Variants in DGKI observed in about 807,000 individuals in gnomAD.
DGKI encodes the protein diacylglycerol kinase iota.
In DGKI, 55 loss-of-function variants were observed where a neutral mutation model predicts 147.5. The ratio of observed to expected loss-of-function variants is 0.37; its 90% CI spans 0.30 to 0.47. The LOEUF is 0.47. DGKI is among the 20% of genes least tolerant of loss of function. The probability of loss-of-function intolerance (pLI) is 1.00; values close to 1 mark genes in which losing one functional copy is unlikely to be tolerated. For synonymous variants in DGKI, 469 were observed against 477.1 expected, an observed-to-expected ratio of 0.98 and a Z score of 0.22; for missense variants, 1,007 against 1,323.8, an observed-to-expected ratio of 0.76 and a Z score of 3.71.
intron 20 of DGKI, among the ~76,000 whole-genome samples, chr7:137,549,943 G>C (rs1163080912): frequency 6.6e-6 from 1 of 152,098 alleles, no homozygotes; most frequent in Non-Finnish European, 1.5e-5. Context: ...TATCCGTATT[G>C]ATTTTCTCAA....
intron 1 of DGKI, among the ~76,000 whole-genome samples, chr7:137,695,609 C>T (rs557213115): frequency 2.0e-5 from 3 of 152,152 alleles, no homozygotes; most frequent in African/African-American, 7.2e-5. Flanking sequence ...AGAAGAGGTC[C>T]GAGTAAGATT....
intron 25 of DGKI, among the ~76,000 whole-genome samples, chr7:137,466,418 T>G (rs553897360): frequency 2.2e-4 from 33 of 152,342 alleles, no homozygotes; most frequent in Non-Finnish European, 4.7e-4. Context: ...ATCATTAGGT[T>G]CAATACTGTA....
At chr7:137,714,478 G>T (rs1794317856) in intron 1 of DGKI, among the ~76,000 whole-genome samples, 1 of 152,030 alleles carries the variant, frequency 6.6e-6, no homozygotes, top group African/African-American at 2.4e-5. Flanking sequence ...GGCATATTTA[G>T]CAGAGAAAGA....
chr7:137,724,739 C>T (rs1258948655), intron 1 of DGKI, among the ~76,000 whole-genome samples: 1 of 152,134 alleles, frequency 6.6e-6, no homozygotes, highest in African/African-American at 2.4e-5. Flanking sequence ...AAGATGCCTA[C>T]AAGACTTCTA....
At chr7:137,398,753 T>C (rs1811644050) in intron 30 of DGKI, among the ~76,000 whole-genome samples, 1 of 151,840 alleles carries the variant, frequency 6.6e-6, no homozygotes, top group African/African-American at 2.4e-5. Flanking sequence ...GTGAATCTTC[T>C]CTTGCAAAGT....
chr7:137,836,100 A>T (rs770108082), intron 1 of DGKI, among the ~76,000 whole-genome samples: 1 of 152,224 alleles, frequency 6.6e-6, no homozygotes, highest in Non-Finnish European at 1.5e-5. Flanking sequence ...AAATTTAGTC[A>T]GTATAACAGT....
chr7:137,694,103 C>T (rs999249044), intron 1 of DGKI, among the ~76,000 whole-genome samples: 1 of 152,118 alleles, frequency 6.6e-6, no homozygotes. Flanking sequence ...GGGCAGATCA[C>T]AAGGTCAGGA....
At chr7:137,427,775 C>T (rs1812881843) in intron 28 of DGKI, among the ~76,000 whole-genome samples, 1 of 152,216 alleles carries the variant, frequency 6.6e-6, no homozygotes, top group Admixed American at 6.5e-5. Flanking sequence ...ACAAACACCT[C>T]TACGCAAATC....
intron 8 of DGKI, 41 bp downstream of exon 8, chr7:137,619,783 T>G (rs769674986): frequency 1.6e-5 from 24 of 1,500,752 alleles, no homozygotes; most frequent in Non-Finnish European, 2.1e-5. Context: ...AGTTCATTTT[T>G]CTCTGCACTG....
chr7:137,503,365 A>G (rs575295469), intron 21 of DGKI, among the ~76,000 whole-genome samples: 3 of 152,316 alleles, frequency 2.0e-5, no homozygotes, highest in African/African-American at 7.2e-5. Context: ...TGCTATTAAA[A>G]TTCTTACAAC....
In DGKI at chr7:137,390,065, G is replaced by A. The variant is rs1010882119; in HGVS notation, c.*1155C>T. On this transcript the variant is annotated 3_prime_UTR_variant, in exon 33 of 33. Transcript: ENST00000614521. ...ACCTAAAAGAAAGACCTAAAATGGGGCTCCTCTCACCACTGTATCCAACAG... is the reference window on the plus strand; with the variant it reads ...ACCTAAAAGAAAGACCTAAAATGGGACTCCTCTCACCACTGTATCCAACAG... 4.6e-5 allele frequency: 7 copies of A among 152,038 alleles called. No individual in the cohort carries two copies. Among genetic ancestry groups the A allele is most frequent in the African/African-American group, 1.7e-4 (7 of 41,406 alleles). The allele number at this position is 152,038 out of a possible 1,614,324, so 9.4% of individuals were successfully genotyped here. A position where few individuals can be genotyped will look rare whatever the true frequency, so the allele number is the denominator to read the frequency against.
intron 20 of DGKI, among the ~76,000 whole-genome samples, chr7:137,549,108 G>C (rs1157227641): frequency 6.6e-6 from 1 of 152,220 alleles, no homozygotes; most frequent in Non-Finnish European, 1.5e-5. Flanking sequence ...ATGAATGGAT[G>C]GTAGTTTCAT....
At chr7:137,763,850 T>A (rs913567541) in intron 1 of DGKI, among the ~76,000 whole-genome samples, 1 of 152,342 alleles carries the variant, frequency 6.6e-6, no homozygotes, top group African/African-American at 2.4e-5. Context: ...AACCTCCACA[T>A]AGAGCAATTT....
chr7:137,434,821 T>G (rs1040445005), intron 28 of DGKI, among the ~76,000 whole-genome samples: 3 of 150,950 alleles, frequency 2.0e-5, no homozygotes, highest in African/African-American at 4.9e-5. Flanking sequence ...CCCAGGGGGG[T>G]TTGTTTTGTT....
intron 6 of DGKI, among the ~76,000 whole-genome samples, chr7:137,638,531 C>T (rs1410776889): frequency 7.9e-5 from 9 of 114,418 alleles, no homozygotes; most frequent in African/African-American, 2.9e-4. Context: ...TATATACACA[C>T]ACATATATGT....
intron 32 of DGKI, among the ~76,000 whole-genome samples, chr7:137,391,601 G>A (rs1288759509): frequency 6.6e-6 from 1 of 152,134 alleles, no homozygotes; most frequent in Non-Finnish European, 1.5e-5. Context: ...GACGGGTGGG[G>A]TTTATACTAG....
Position 137,552,440 on chromosome 7 carries a change from C to A in DGKI, c.2076G>T (p.Arg692=). 1 of 1,614,082 alleles carries A rather than the reference C, an allele frequency of 6.2e-7. No individual in the cohort carries two copies. The highest frequency in any genetic ancestry group is 8.5e-7 in the Non-Finnish European group (1 of 1,180,018). ...TGTTGGCCTGATTCCTCAGGGAGATCCGAATCATAGCTGGGGCCAACCTAC... is the reference window on the plus strand; with the variant it reads ...TGTTGGCCTGATTCCTCAGGGAGATACGAATCATAGCTGGGGCCAACCTAC... ...EPCRLAPAMI[R]ISLRNQANMV... Residue 692 remains arginine, a synonymous_variant, in exon 20 of 33, where the codon CGG becomes CGT. Transcript: ENST00000614521.
chr7:137,792,476 T>A (rs527859538), intron 1 of DGKI, among the ~76,000 whole-genome samples: 1 of 152,304 alleles, frequency 6.6e-6, no homozygotes, highest in Non-Finnish European at 1.5e-5. Context: ...GAAACAGAAG[T>A]GCTACTCGAT....
chr7:137,717,760 G>T (rs1020125272), intron 1 of DGKI, among the ~76,000 whole-genome samples: 2 of 152,176 alleles, frequency 1.3e-5, no homozygotes, highest in African/African-American at 2.4e-5. Flanking sequence ...CTAACAAGGG[G>T]TTGGAACAAG....
Sources: allele counts gnomAD v4.1 joint callset (sites outside exome capture counted in the v4.1 genomes callset), GRCh38; gene constraint gnomAD v4.1.1; transcripts MANE v1.5; gene names NCBI Gene and HGNC (gene_info 2026-07-23, HGNC 2026-07-21).